CCNI: variants seen among roughly 807,000 people sequenced by gnomAD.
CCNI encodes the protein cyclin I.
In CCNI, 14 loss-of-function variants were observed where a neutral mutation model predicts 34.1. The ratio of observed to expected loss-of-function variants is 0.41; its 90% confidence interval spans 0.27 to 0.64. The LOEUF is 0.64. CCNI is among the 30% of genes least tolerant of loss of function. The pLI, the probability that CCNI is intolerant of heterozygous loss-of-function variation, is 0.31. For missense variants in CCNI, 385 were observed against 440.5 expected (o/e 0.87, Z 1.13); for synonymous variants, 154 against 158.4 (o/e 0.97, Z 0.21).
At chr4:77,051,969 A>G (rs550749894) in intron 6 of CCNI, among the ~76,000 whole-genome samples, 1 of 149,620 alleles carries the variant, frequency 6.7e-6, no homozygotes, top group East Asian at 1.9e-4. Context: ...TTTTTTTTTA[A>G]ATTTGCTTCT....
At chr4:77,071,602 T>C (rs969862581) in intron 1 of CCNI, among the ~76,000 whole-genome samples, 3 of 152,214 alleles carry the variant, frequency 2.0e-5, no homozygotes, top group Non-Finnish European at 2.9e-5. Context: ...GACAAACCTT[T>C]AGCCAGCTAG....
intron 1 of CCNI, 103 bp downstream of exon 1, chr4:77,075,369 G>C (rs533076684): frequency 3.1e-6 from 1 of 318,476 alleles, no homozygotes; most frequent in Non-Finnish European, 4.5e-6. Flanking sequence ...GCGCGGCCAA[G>C]GGCGCTGCCA....
At chr4:77,068,555 A>G (rs770157550) in intron 1 of CCNI, among the ~76,000 whole-genome samples, 2 of 152,332 alleles carry the variant, frequency 1.3e-5, no homozygotes, top group East Asian at 1.9e-4. Flanking sequence ...TAACCTCTGC[A>G]GAGTAAGAAA....
At chr4:77,069,195 T>C (rs961151047) in intron 1 of CCNI, among the ~76,000 whole-genome samples, 5 of 152,264 alleles carry the variant, frequency 3.3e-5, no homozygotes, top group East Asian at 3.9e-4. Context: ...GGAGGACAGA[T>C]TGCTTGAGTC....
At chr4:77,073,058 A>G (rs193210976) in intron 1 of CCNI, among the ~76,000 whole-genome samples, 37 of 152,340 alleles carry the variant, frequency 2.4e-4, no homozygotes, top group South Asian at 4.1e-4. Context: ...TTAAAATACA[A>G]TTTTAGTTTT....
chr4:77,053,138 G>C (rs1578234003), intron 6 of CCNI, among the ~76,000 whole-genome samples: 1 of 151,926 alleles, frequency 6.6e-6, no homozygotes. Flanking sequence ...TTAAACACAA[G>C]TATAGCTCCG....
At chr4:77,073,992 G>C in intron 1 of CCNI, among the ~76,000 whole-genome samples, 1 of 141,306 alleles carries the variant, frequency 7.1e-6, no homozygotes, top group Admixed American at 7.3e-5. Context: ...ACTGTGGAAA[G>C]CCCTTTTTTT....
chr4:77,060,259 CTAAA>C (rs953666590), intron 2 of CCNI, among the ~76,000 whole-genome samples: 7 of 152,088 alleles, frequency 4.6e-5, no homozygotes, highest in Admixed American at 4.6e-4. Context: ...ATAGTTATAA[CTAAA>C]TGACATAACT....
chr4:77,060,926 A>G (rs140476593), intron 2 of CCNI, among the ~76,000 whole-genome samples: 39 of 136,182 alleles, frequency 2.9e-4, no homozygotes, highest in African/African-American at 1.3e-3. Flanking sequence ...CGCCCGGCCT[A>G]ATTTTACTTT....
intron 6 of CCNI, among the ~76,000 whole-genome samples, chr4:77,048,962 G>GTTTTTTTTTT (rs538284505): frequency 4.4e-4 from 21 of 47,654 alleles, no homozygotes; most frequent in Non-Finnish European, 7.9e-4. Flanking sequence ...TCCAACGTCT[G>GTTTTTTTTTT]TTTTTTTTTT....
intron 1 of CCNI, 66 bp from the exon 2 acceptor site, chr4:77,066,471 T>A: frequency 8.4e-7 from 1 of 1,189,724 alleles, no homozygotes; most frequent in Non-Finnish European, 1.2e-6. Context: ...AAGTACTAAT[T>A]AAGCAACTCA....
chr4:77,060,746 TC>T (rs1360775853), intron 2 of CCNI, among the ~76,000 whole-genome samples: 1 of 151,966 alleles, frequency 6.6e-6, no homozygotes, highest in African/African-American at 2.4e-5. Context: ...TGCCTCAGCC[TC>T]CCAAGTAGCT....
In CCNI at chr4:77,075,909, A is replaced by G. The variant is rs1729932146; in HGVS notation, c.-481T>C. 6.7e-6 allele frequency: 1 copy of G among 148,160 alleles called. No individual in the cohort carries two copies. The highest frequency in any genetic ancestry group is 2.5e-5 in the African/African-American group (1 of 40,438). The allele number at this position is 148,160 out of a possible 1,614,324, so 9.2% of individuals were successfully genotyped here. ...GAAAAGAAAAGAAAAAAAAAAAAAG[A>G]AAGGGGAAAGGGGGGAAAAATAAGA... is the stretch of plus-strand genomic sequence containing the variant. On this transcript the variant is annotated 5_prime_UTR_variant, in exon 1 of 7. Transcript: ENST00000237654.
intron 1 of CCNI, 75 bp downstream of exon 1, chr4:77,075,397 G>A (rs918549785): frequency 1.9e-6 from 1 of 522,268 alleles, no homozygotes; most frequent in Non-Finnish European, 2.5e-6. Flanking sequence ...GGCGCGGGGG[G>A]AGCAGCGGGG....
chr4:77,057,599 C>G (rs1259985970), intron 3 of CCNI, among the ~76,000 whole-genome samples: 7 of 152,176 alleles, frequency 4.6e-5, no homozygotes, highest in Non-Finnish European at 5.9e-5. Context: ...CATGCCTTGC[C>G]ATTAAATAAA....
chr4:77,061,529 T>C (rs1728603391), intron 2 of CCNI, among the ~76,000 whole-genome samples: 2 of 152,192 alleles, frequency 1.3e-5, no homozygotes, highest in South Asian at 4.1e-4. Context: ...TATATTATAT[T>C]CCACATGCTG....
chr4:77,057,268 T>C (rs1476361252), intron 3 of CCNI, among the ~76,000 whole-genome samples: 1 of 152,230 alleles, frequency 6.6e-6, no homozygotes, highest in Non-Finnish European at 1.5e-5. Flanking sequence ...TCAAAAATTA[T>C]TAGTGAACAC....
chr4:77,055,166 A>G lies in CCNI; in HGVS notation c.674T>C (p.Leu225Pro). The G allele has an allele frequency of 6.2e-7, 1 of 1,611,536 alleles. No homozygotes were observed. The highest frequency in any genetic ancestry group is 8.5e-7 in the Non-Finnish European group (1 of 1,177,580). The change falls in exon 6 of 7, where the codon CTG becomes CCG. Residue 225 changes from leucine (L) to proline (P), a missense_variant. By Grantham distance (98) the Leu-to-Pro change is moderately conservative. This residue lies in a region of CCNI where 250 missense variants were observed against 248.7 expected (regional missense o/e 1.01). Transcript: ENST00000237654. ...IPDWLSLTIE[L>P]LQKAQMDSSQ... ...GACACCTACCTGTGCTTTCTGAAGC[A>G]GTTCAATTGTAAGAGAAAGCCAATC...
intron 1 of CCNI, among the ~76,000 whole-genome samples, chr4:77,070,786 A>G (rs368243050): frequency 7.9e-5 from 12 of 152,112 alleles, no homozygotes; most frequent in African/African-American, 2.4e-4. Context: ...AAGTTTTGGG[A>G]GGCCAAGGCA....
Sources: gnomAD v4.1 joint callset for allele counts (sites outside exome capture counted in the v4.1 genomes callset) on GRCh38, gnomAD v4.1.1 for gene constraint, gnomAD v4.1.1 regional missense constraint, MANE v1.5 for transcripts, NCBI Gene and HGNC (gene_info 2026-07-23, HGNC 2026-07-21) for gene names.